Variants in VPS37A observed in about 807,000 individuals in gnomAD.
VPS37A encodes VPS37A subunit of ESCRT-I, also known as vacuolar protein sorting-associated protein 37A.
In VPS37A, 30 loss-of-function variants were observed where a neutral mutation model predicts 49.8. The observed-to-expected ratio is 0.60, with a 90% confidence interval of 0.45 to 0.82. The LOEUF is 0.82. Ranked by LOEUF, VPS37A falls within the 40% of genes least tolerant of loss-of-function variation. The pLI is 0.00. For synonymous variants in VPS37A, 195 were observed against 160.6 expected, an observed-to-expected ratio of 1.21 and a Z score of -1.62; for missense variants, 593 against 464.4, an observed-to-expected ratio of 1.28 and a Z score of -2.55.
At chr8:17,256,111 A>G (rs1474606302) in intron 1 of VPS37A, among the ~76,000 whole-genome samples, 1 of 151,782 alleles carries the variant, frequency 6.6e-6, no homozygotes, top group Non-Finnish European at 1.5e-5. Flanking sequence ...CTAAAGGTGC[A>G]GAGATATTGT....
chr8:17,307,303 C>T (rs1376248139), downstream of VPS37A, among the ~76,000 whole-genome samples: 1 of 152,202 alleles, frequency 6.6e-6, no homozygotes, highest in Non-Finnish European at 1.5e-5. Context: ...CATCACTGGC[C>T]ATCAGAGAAA....
rs753491148 is a variant in VPS37A, at chr8:17,274,737, T to C, written c.421T>C (p.Tyr141His). The part of the protein sequence containing the change: ...APTSTAFPYL[Y>H]SNPSGMSPYA... Reference sequence around the variant, plus strand: ...ATCTTCTCTTTTTCTTTTCAGTCTATACAGTAACCCAAGTGGGATGTCTCC... The same window carrying C: ...ATCTTCTCTTTTTCTTTTCAGTCTACACAGTAACCCAAGTGGGATGTCTCC... Residue 141 changes from tyrosine to histidine, a missense_variant, in exon 5 of 12, where the codon TAC becomes CAC. Coordinates refer to ENST00000324849, the MANE Select transcript of VPS37A (RefSeq NM_152415.3). The C allele has an allele frequency of 6.2e-5, 100 of 1,612,788 alleles. No homozygotes were observed. The highest frequency in any genetic ancestry group is 8.4e-5 in the Non-Finnish European group (99 of 1,178,874).
chr8:17,332,915 T>A, the VPS37A span, among the ~76,000 whole-genome samples: 8 of 152,182 alleles, frequency 5.3e-5, no homozygotes, highest in African/African-American at 1.9e-4. Flanking sequence ...AAAGACAGCA[T>A]GGCAGGCGAC....
intron 11 of VPS37A, among the ~76,000 whole-genome samples, chr8:17,289,011 GTCT>G (rs1489953724): frequency 6.6e-6 from 1 of 152,116 alleles, no homozygotes; most frequent in African/African-American, 2.4e-5. Flanking sequence ...CTGCATAAAT[GTCT>G]TCTTATGAAA....
At chr8:17,289,254 G>C (rs1316098028) in intron 11 of VPS37A, among the ~76,000 whole-genome samples, 5 of 151,966 alleles carry the variant, frequency 3.3e-5, no homozygotes, top group Non-Finnish European at 7.4e-5. Context: ...TTGTTTTTTT[G>C]TGTTTTAGAC....
chr8:17,265,670 C>G lies in VPS37A; in HGVS notation c.126-237C>G, dbSNP rs757140659. On this transcript the variant is annotated intron_variant, in intron 1 of 11. Coordinates refer to ENST00000324849, the MANE Select transcript of VPS37A (RefSeq NM_152415.3). ...GCATTAATGAAGAGTTTTTTCTTGC[C>G]TCTTTACATCATCATCCCCCTTCCC... 63 of 1,092,466 alleles carry G rather than the reference C, an allele frequency of 5.8e-5. 1 individual carries two copies. The South Asian group carries it at 8.1e-4, about 14-fold the overall frequency. 67.7% of individuals were successfully genotyped at this position (1,092,466 alleles called of 1,614,324 possible). A position where few individuals can be genotyped will look rare whatever the true frequency, so the allele number is the denominator to read the frequency against.
downstream of VPS37A, chr8:17,300,432 C>T: frequency 3.4e-6 from 2 of 580,936 alleles, no homozygotes; most frequent in Non-Finnish European, 3.0e-6. Context: ...TAATACCTGC[C>T]TTGACATAGG....
In VPS37A at chr8:17,295,259, T is replaced by TTTACAAAAG. The variant is rs1226030397; in HGVS notation, c.*274_*275insTACAAAAGT. 714 of 152,816 alleles carry TTTACAAAAG rather than the reference T, an allele frequency of 4.7e-3. 10 individuals are homozygous for TTTACAAAAG. Among genetic ancestry groups the TTTACAAAAG allele is most frequent in the African/African-American group, 0.016 (668 of 41,592 alleles). The allele number at this position is 152,816 out of a possible 1,614,324, so 9.5% of individuals were successfully genotyped here. On this transcript the variant is annotated 3_prime_UTR_variant, in exon 12 of 12. Coordinates refer to ENST00000324849, the MANE Select transcript of VPS37A (RefSeq NM_152415.3). ...TCCACTGCTGTTCCTCTTACCTTGA[T>TTTACAAAAG]TAAATGCCTATGCATGTACTTTTAG...
At chr8:17,279,041 A>G (rs1235848787) in intron 6 of VPS37A, among the ~76,000 whole-genome samples, 1 of 152,114 alleles carries the variant, frequency 6.6e-6, no homozygotes, top group Admixed American at 6.6e-5. Flanking sequence ...TTTTCTTTAA[A>G]TATTTTATGA....
chr8:17,311,655 G>A, the VPS37A span: 129 of 1,613,584 alleles, frequency 8.0e-5, no homozygotes, highest in Middle Eastern at 4.9e-4. Context: ...CACACGATCC[G>A]CAAAGAGTCA....
the VPS37A span, among the ~76,000 whole-genome samples, chr8:17,320,998 C>CT: frequency 0.16 from 24,150 of 151,474 alleles, 2,556 homozygotes; most frequent in East Asian, 0.45. Context: ...CTCTTGCAGT[C>CT]TTTTTTTTTA....
chr8:17,265,735 G>A, intron 1 of VPS37A, 172 bp from the exon 2 acceptor site: 1 of 1,510,220 alleles, frequency 6.6e-7, no homozygotes, highest in Non-Finnish European at 8.9e-7. Context: ...TAGATGATGA[G>A]CCTTTCTAAC....
At chr8:17,255,738 C>T (rs765821886) in intron 1 of VPS37A, among the ~76,000 whole-genome samples, 11 of 152,096 alleles carry the variant, frequency 7.2e-5, no homozygotes, top group Non-Finnish European at 1.0e-4. Flanking sequence ...GGAACCATCA[C>T]GCTACTTTCT....
the VPS37A span, among the ~76,000 whole-genome samples, chr8:17,326,029 T>C: frequency 6.6e-6 from 1 of 152,338 alleles, no homozygotes; most frequent in East Asian, 1.9e-4. Flanking sequence ...GAAGATATGT[T>C]GCTTACATTG....
At chr8:17,291,290 G>C (rs1468366354) in intron 11 of VPS37A, among the ~76,000 whole-genome samples, 1 of 152,136 alleles carries the variant, frequency 6.6e-6, no homozygotes, top group Non-Finnish European at 1.5e-5. Flanking sequence ...TGGGATTACA[G>C]GTGTGAGCCA....
chr8:17,251,139 A>C (rs893848325), intron 1 of VPS37A, among the ~76,000 whole-genome samples: 1 of 152,264 alleles, frequency 6.6e-6, no homozygotes, highest in South Asian at 2.1e-4. Flanking sequence ...CTAGAGGTGA[A>C]TAAGGATTGT....
At chr8:17,258,239 A>G (rs1186528826) in intron 1 of VPS37A, among the ~76,000 whole-genome samples, 3 of 152,180 alleles carry the variant, frequency 2.0e-5, no homozygotes, top group Admixed American at 2.0e-4. Context: ...TCTTAGAGGA[A>G]AGGCCTTCAG....
At chr8:17,306,895 G>T (rs539537837), downstream of VPS37A, among the ~76,000 whole-genome samples, 162 of 149,360 alleles carry the variant, frequency 1.1e-3, no homozygotes, top group Non-Finnish European at 2.0e-3. Flanking sequence ...ATTCAAGATG[G>T]ATTAAAGACT....
chr8:17,301,240 G>A (rs1465525678), downstream of VPS37A, among the ~76,000 whole-genome samples: 1 of 152,228 alleles, frequency 6.6e-6, no homozygotes, highest in East Asian at 1.9e-4. Context: ...GAGAGGCAGA[G>A]TTCATGCAAT....
Sources: allele counts gnomAD v4.1 joint callset (sites outside exome capture counted in the v4.1 genomes callset), GRCh38; gene constraint gnomAD v4.1.1; transcripts MANE v1.5; gene names NCBI Gene and HGNC (gene_info 2026-07-23, HGNC 2026-07-21).